Variants in ABCG2 observed in about 807,000 individuals in gnomAD.
The protein encoded by ABCG2 is broad substrate specificity ATP-binding cassette transporter ABCG2.
A neutral mutation model predicts 73.5 loss-of-function variants in ABCG2; 80 were observed. The observed-to-expected ratio is 1.09, with a 90% CI of 0.91 to 1.31. ABCG2 has a LOEUF of 1.31. Among genes scored for constraint, ABCG2 ranks in the 50% most tolerant of loss-of-function variants. The pLI, the probability that ABCG2 is intolerant of heterozygous loss-of-function variation, is 0.00. For synonymous variants in ABCG2, 269 were observed against 282.4 expected (o/e 0.95, Z 0.48); for missense variants, 796 against 786.2 (o/e 1.01, Z -0.15).
At chr4:88,106,101 T>C (rs1167869774) in intron 10 of ABCG2, among the ~76,000 whole-genome samples, 2 of 152,222 alleles carry the variant, frequency 1.3e-5, no homozygotes, top group East Asian at 3.9e-4. Flanking sequence ...TGGGTATATA[T>C]CCGAAGAATT....
At chr4:88,177,837 A>G (rs1437122255) in intron 1 of ABCG2, among the ~76,000 whole-genome samples, 1 of 152,152 alleles carries the variant, frequency 6.6e-6, no homozygotes, top group African/African-American at 2.4e-5. Context: ...TGGAAAGAAC[A>G]CAGGGCAGAA....
At chr4:88,158,268 TAAAA>T (rs1727086912) in intron 1 of ABCG2, 114 bp downstream of exon 1, 6 of 324,276 alleles carry the variant, frequency 1.9e-5, no homozygotes, top group South Asian at 1.2e-4. Flanking sequence ...TGCGAAAGGC[TAAAA>T]AACTCAGTCG....
chr4:88,210,947 T>C (rs1729566430), intron 1 of ABCG2, among the ~76,000 whole-genome samples: 1 of 152,104 alleles, frequency 6.6e-6, no homozygotes, highest in African/African-American at 2.4e-5. Context: ...TGCCATGTTC[T>C]GCCCCTGTAT....
intron 1 of ABCG2, among the ~76,000 whole-genome samples, chr4:88,148,460 C>A (rs1245882438): frequency 6.6e-6 from 1 of 152,086 alleles, no homozygotes; most frequent in Non-Finnish European, 1.5e-5. Context: ...CAAAGACCAT[C>A]AAAAGGGTGC....
Position 88,131,910 on chromosome 4 carries a change from C to G in ABCG2, c.271G>C (p.Asp91His). The change falls in exon 4 of 16, where the codon GAT becomes CAT. Residue 91 changes from aspartate to histidine, a missense_variant. Transcript: ENST00000237612. ...PTGGGKSSLLDVLAARKDPSG... is the reference protein window; with the variant it reads ...PTGGGKSSLLHVLAARKDPSG... ...GGATCTTTCCTTGCAGCTAAGACAT[C>G]TAATAACCTATAAGAGGACATATAT... is the stretch of plus-strand genomic sequence containing the variant. The G allele has an allele frequency of 6.2e-7, 1 of 1,612,296 alleles. No homozygotes were observed. Among genetic ancestry groups the G allele is most frequent in the Admixed American group, 1.7e-5 (1 of 59,960 alleles).
intron 1 of ABCG2, among the ~76,000 whole-genome samples, chr4:88,149,932 AAAC>A (rs1363792663): frequency 8.5e-5 from 13 of 152,180 alleles, no homozygotes; most frequent in Non-Finnish European, 1.8e-4. Flanking sequence ...GAACAAAACA[AAAC>A]AACAGATAAA....
intron 1 of ABCG2, among the ~76,000 whole-genome samples, chr4:88,191,945 CA>C (rs1728708159): frequency 6.6e-6 from 1 of 152,040 alleles, no homozygotes; most frequent in Non-Finnish European, 1.5e-5. Context: ...CCGAGGTAGG[CA>C]GATTACCTGA....
rs1722242762 is a variant in ABCG2 at position 88,099,429 on chromosome 4, A to G, written c.1387T>C (p.Tyr463His). The change falls in exon 12 of 16, where the codon TAC becomes CAC. Residue 463 changes from tyrosine (Y) to histidine (H), a missense_variant. Physicochemically the swap from Tyr to His is moderately conservative, Grantham distance 83. Transcript: ENST00000237612. Reference sequence around the variant, plus strand: ...AGGAAATAAGATGACACTCTGTAGTATCCGCTGATGTATTCATGTCTATAG... The same window carrying G: ...AGGAAATAAGATGACACTCTGTAGTGTCCGCTGATGTATTCATGTCTATAG... ...KLFIHEYISGYYRVSSYFLGK... is the reference protein window; with the variant it reads ...KLFIHEYISGHYRVSSYFLGK... 2 of 1,607,042 alleles carry G rather than the reference A, an allele frequency of 1.2e-6. No individual in the cohort carries two copies. Among genetic ancestry groups the G allele is most frequent in the Non-Finnish European group, 1.7e-6 (2 of 1,177,862 alleles).
At chr4:88,185,355 ACT>A (rs1728410701) in intron 1 of ABCG2, among the ~76,000 whole-genome samples, 1 of 152,190 alleles carries the variant, frequency 6.6e-6, no homozygotes, top group African/African-American at 2.4e-5. Context: ...CAAGAGTGAA[ACT>A]CTGTCAAAAC....
chr4:88,147,671 G>A (rs2110067601), intron 1 of ABCG2, among the ~76,000 whole-genome samples: 2 of 152,264 alleles, frequency 1.3e-5, no homozygotes, highest in South Asian at 4.2e-4. Flanking sequence ...CTGTTGCAAG[G>A]TAGCTTAATA....
At chr4:88,095,657 G>A in intron 13 of ABCG2, 48 bp from the exon 14 acceptor site, 7 of 1,474,228 alleles carry the variant, frequency 4.7e-6, no homozygotes, top group Non-Finnish European at 6.6e-6. Context: ...GTAATTTCAT[G>A]CAGAATTCTA....
At chr4:88,167,444 G>A (rs1727577146) in intron 1 of ABCG2, among the ~76,000 whole-genome samples, 1 of 148,384 alleles carries the variant, frequency 6.7e-6, no homozygotes, top group African/African-American at 2.5e-5. Context: ...CACAATCTCG[G>A]CTCACTGCAA....
At chr4:88,111,045 T>G in intron 9 of ABCG2, among the ~76,000 whole-genome samples, 1 of 152,206 alleles carries the variant, frequency 6.6e-6, no homozygotes, top group East Asian at 1.9e-4. Context: ...GTGTTAGCAT[T>G]GGAAGGAAGC....
At chr4:88,171,059 G>A (rs1727735653) in intron 1 of ABCG2, among the ~76,000 whole-genome samples, 1 of 152,134 alleles carries the variant, frequency 6.6e-6, no homozygotes, top group African/African-American at 2.4e-5. Flanking sequence ...ATAAATGGGA[G>A]CTAAAGGATG....
At chr4:88,133,595 G>A (rs963931132) in intron 2 of ABCG2, among the ~76,000 whole-genome samples, 1 of 152,176 alleles carries the variant, frequency 6.6e-6, no homozygotes, top group African/African-American at 2.4e-5. Context: ...AGAGAAGGAA[G>A]GTGGAAAAAA....
At chr4:88,218,327 G>A (rs764786149) in intron 1 of ABCG2, among the ~76,000 whole-genome samples, 9 of 151,988 alleles carry the variant, frequency 5.9e-5, no homozygotes, top group Non-Finnish European at 7.4e-5. Context: ...GTCCTCCTCC[G>A]TCTAGAAAGT....
chr4:88,107,564 T>G (rs1435195934), intron 9 of ABCG2, among the ~76,000 whole-genome samples: 1 of 152,246 alleles, frequency 6.6e-6, no homozygotes, highest in Non-Finnish European at 1.5e-5. Context: ...GTTCAGGGTC[T>G]GCTTCAGGTT....
chr4:88,163,389 G>A (rs552370727), upstream of ABCG2, among the ~76,000 whole-genome samples: 1 of 152,194 alleles, frequency 6.6e-6, no homozygotes, highest in Non-Finnish European at 1.5e-5. Context: ...ATATTCATTT[G>A]GTTTGAATTA....
At position 88,113,437 on chromosome 4, in the gene ABCG2, C is replaced by A. The variant is rs138606116; in HGVS notation, c.1060G>T (p.Gly354Trp). 2 of 1,613,882 alleles carry A rather than the reference C, an allele frequency of 1.2e-6. No individual in the cohort carries two copies. Among genetic ancestry groups the A allele is most frequent in the Non-Finnish European group, 1.7e-6 (2 of 1,180,006 alleles). Residue 354 changes from glycine to tryptophan, a missense_variant, in exon 9 of 16, where the codon GGG becomes TGG. Physicochemically the swap from Gly to Trp is radical, Grantham distance 184. Transcript: ENST00000237612. ...ETKAELHQLS[G>W]GEKKKKITVF... ...GTGATCTTCTTCTTCTTCTCACCCC[C>A]GGAAAGTTGATGTAATTCAGCTTTT...
Sources: allele counts gnomAD v4.1 joint callset (sites outside exome capture counted in the v4.1 genomes callset), GRCh38; gene constraint gnomAD v4.1.1; transcripts MANE v1.5; gene names NCBI Gene and HGNC (gene_info 2026-07-23, HGNC 2026-07-21).